SYNJ2: variants seen among roughly 807,000 people sequenced by gnomAD.
The protein encoded by SYNJ2 is synaptojanin 2.
Under a neutral mutation model 141.3 loss-of-function variants are expected in SYNJ2, and 116 were observed. The ratio of observed to expected loss-of-function variants is 0.82; its 90% CI spans 0.71 to 0.96. The LOEUF is 0.96. SYNJ2 is among the 40% of genes least tolerant of loss of function. The pLI, the probability that SYNJ2 is intolerant of heterozygous loss-of-function variation, is 0.00. For synonymous variants in SYNJ2, 745 were observed against 777.7 expected (o/e 0.96, Z 0.70); for missense variants, 1,873 against 1,934.8 (o/e 0.97, Z 0.60).
In SYNJ2 at chr6:158,061,997, G is replaced by A. The variant is rs201184340; in HGVS notation, c.960G>A (p.Leu320=). The change falls in exon 8 of 27, where the codon CTG becomes CTA. Residue 320 remains leucine (L), a synonymous_variant. Transcript: ENST00000355585. ...CCCTCCCCTCCTCTTTTCAGAAGCT[G>A]CTCTGGGCTTCTTGCCACGCGGGCG... is the stretch of plus-strand genomic sequence containing the variant. ...EEVLNRAFKK[L]LWASCHAGDT... 39 of 1,613,744 alleles carry A rather than the reference G, an allele frequency of 2.4e-5. No homozygotes were observed. In the East Asian group the frequency reaches 4.9e-4, roughly 20 times the overall value.
intron 5 of SYNJ2, among the ~76,000 whole-genome samples, chr6:158,045,966 G>A (rs558530263): frequency 5.9e-5 from 9 of 152,076 alleles, no homozygotes; most frequent in Admixed American, 2.0e-4. Flanking sequence ...TTTTTGAGAC[G>A]AAGTCTTGCT....
intron 8 of SYNJ2, among the ~76,000 whole-genome samples, chr6:158,062,590 C>T (rs1267737478): frequency 3.9e-5 from 6 of 152,052 alleles, no homozygotes; most frequent in Non-Finnish European, 8.8e-5. Context: ...CTAGAGGAGA[C>T]CAGGGTATGG....
Position 158,063,875 on chromosome 6 carries a change from G to A in SYNJ2, c.1209+3G>A. The A allele has an allele frequency of 6.2e-7, 1 of 1,613,286 alleles. No individual in the cohort carries two copies. The highest frequency in any genetic ancestry group is 1.1e-5 in the South Asian group (1 of 91,060). ...TGCAGAGCTTCATCGCGCTCGAGGT[G>A]CGTCCCTGCCACAGCCTTTTCGGCC... On this transcript the variant is annotated splice_donor_region_variant and intron_variant, in intron 9 of 26. Transcript: ENST00000355585.
intron 2 of SYNJ2, among the ~76,000 whole-genome samples, chr6:158,019,529 G>A (rs1410483202): frequency 6.6e-6 from 1 of 152,168 alleles, no homozygotes; most frequent in Non-Finnish European, 1.5e-5. Flanking sequence ...GGGTCAGCAG[G>A]GTCTAATGGG....
At position 158,070,623 on chromosome 6, in the gene SYNJ2, CT is replaced by C; in HGVS notation, c.1940+953del. The C allele has an allele frequency of 1.9e-6, 1 of 537,144 alleles. No individual in the cohort carries two copies. The highest frequency in any genetic ancestry group is 2.4e-6 in the Non-Finnish European group (1 of 420,800). 33.3% of individuals were successfully genotyped at this position (537,144 alleles called of 1,614,324 possible). On this transcript the variant is annotated intron_variant, in intron 14 of 26. Coordinates refer to ENST00000355585, the MANE Select transcript of SYNJ2 (RefSeq NM_003898.4). This position sits in a 1 kb window ranked among gnomAD's most constrained non-coding sequence, Gnocchi z 4.0. ...GCTCGGTGTCCTCGGCTTCACGTGC[CT>C]TTAGCCCTGAGCTGCTTCCGCCTAC...
intron 5 of SYNJ2, among the ~76,000 whole-genome samples, chr6:158,049,478 A>G (rs1009691187): frequency 6.6e-6 from 1 of 152,214 alleles, no homozygotes; most frequent in Non-Finnish European, 1.5e-5. Context: ...AGCTCCGGAG[A>G]GAACATGAGG....
At chr6:157,987,665 G>T (rs1014750411) in intron 1 of SYNJ2, among the ~76,000 whole-genome samples, 7 of 152,204 alleles carry the variant, frequency 4.6e-5, no homozygotes, top group Non-Finnish European at 7.3e-5. Flanking sequence ...GCCTCCCAAA[G>T]TTCTGGGATT....
At position 158,011,218 on chromosome 6, in the gene SYNJ2, G is replaced by A. The variant is rs568433180; in HGVS notation, c.128-5986G>A. Reference sequence around the variant, plus strand: ...GTGAGGAAGTCATAAGCCAAGGAACGCCAAGGACAGAACAAGCAGCAAACA... The same window carrying A: ...GTGAGGAAGTCATAAGCCAAGGAACACCAAGGACAGAACAAGCAGCAAACA... On this transcript the variant is annotated intron_variant, in intron 1 of 26. Coordinates refer to ENST00000355585, the MANE Select transcript of SYNJ2 (RefSeq NM_003898.4). Among the ~76,000 whole-genome samples, 7 of 152,256 alleles carry A rather than the reference G, an allele frequency of 4.6e-5. No homozygotes were observed. In the South Asian group the frequency reaches 8.3e-4, roughly 18 times the overall value.
At position 158,096,415 on chromosome 6, in the gene SYNJ2, C is replaced by T. The variant is rs768107346; in HGVS notation, c.*51C>T. On this transcript the variant is annotated 3_prime_UTR_variant, in exon 27 of 27. Transcript: ENST00000355585. Reference sequence around the variant, plus strand: ...CTATAGAATGCATACCTTCCTCCCTCTAGACATCCCTCCACCAGAAGAGAC... The same window carrying T: ...CTATAGAATGCATACCTTCCTCCCTTTAGACATCCCTCCACCAGAAGAGAC... 1 of 1,515,650 alleles carries T rather than the reference C, an allele frequency of 6.6e-7. No individual in the cohort carries two copies. The highest frequency in any genetic ancestry group is 8.8e-7 in the Non-Finnish European group (1 of 1,138,604). The allele number at this position is 1,515,650 out of a possible 1,614,324, so 93.9% of individuals were successfully genotyped here.
intron 5 of SYNJ2, among the ~76,000 whole-genome samples, chr6:158,048,791 A>T (rs1020497392): frequency 6.6e-5 from 10 of 152,102 alleles, no homozygotes; most frequent in Admixed American, 5.2e-4. Flanking sequence ...CATCGTGGCC[A>T]CTTTCAACCT....
At chr6:158,048,930 G>C (rs1780404578) in intron 5 of SYNJ2, among the ~76,000 whole-genome samples, 1 of 152,168 alleles carries the variant, frequency 6.6e-6, no homozygotes, top group South Asian at 2.1e-4. Flanking sequence ...GACACAATTA[G>C]ACAGAAGTCT....
chr6:158,091,251 G>A (rs1045473437), intron 25 of SYNJ2, among the ~76,000 whole-genome samples: 2 of 151,986 alleles, frequency 1.3e-5, no homozygotes, highest in Non-Finnish European at 2.9e-5. Flanking sequence ...GGGAGGTGGA[G>A]CTCGCAGTGA....
intron 1 of SYNJ2, among the ~76,000 whole-genome samples, chr6:158,012,811 C>G (rs992351747): frequency 6.6e-6 from 1 of 152,152 alleles, no homozygotes; most frequent in Non-Finnish European, 1.5e-5. Context: ...ATCCCAGGCA[C>G]TTCATATTCT....
intron 1 of SYNJ2, among the ~76,000 whole-genome samples, chr6:158,015,138 A>T (rs1256111675): frequency 6.6e-6 from 1 of 152,182 alleles, no homozygotes; most frequent in East Asian, 1.9e-4. Context: ...ATCTTTAGAG[A>T]CAGCAGGAAG....
chr6:158,026,672 G>T (rs1055829793), intron 2 of SYNJ2, among the ~76,000 whole-genome samples: 1 of 152,204 alleles, frequency 6.6e-6, no homozygotes, highest in Admixed American at 6.5e-5. Flanking sequence ...CCCCCCACAC[G>T]GAGGCTGTTG....
chr6:158,020,769 C>G (rs918645254), intron 2 of SYNJ2, among the ~76,000 whole-genome samples: 3 of 152,250 alleles, frequency 2.0e-5, no homozygotes, highest in African/African-American at 7.2e-5. Context: ...GCCTCCCTTT[C>G]AATGTTTTTA....
intron 1 of SYNJ2, among the ~76,000 whole-genome samples, chr6:158,006,230 T>C (rs1373049684): frequency 6.6e-6 from 1 of 152,130 alleles, no homozygotes; most frequent in Non-Finnish European, 1.5e-5. Flanking sequence ...CACACACGTA[T>C]GCACACACGC....
intron 12 of SYNJ2, 84 bp from the exon 13 acceptor site, chr6:158,068,563 G>A: frequency 2.0e-6 from 3 of 1,487,432 alleles, no homozygotes; most frequent in Non-Finnish European, 2.8e-6. Context: ...GCATGACTCG[G>A]GAGAGGGCAC....
chr6:157,997,710 G>T (rs1777688377), intron 1 of SYNJ2, among the ~76,000 whole-genome samples: 1 of 152,152 alleles, frequency 6.6e-6, no homozygotes, highest in Non-Finnish European at 1.5e-5. Flanking sequence ...CCTTAACACT[G>T]CCTCGTGTGG....
Sources: allele counts gnomAD v4.1 joint callset (sites outside exome capture counted in the v4.1 genomes callset), GRCh38; gene constraint gnomAD v4.1.1; non-coding constraint Gnocchi (gnomAD v3.1); transcripts MANE v1.5; gene names NCBI Gene and HGNC (gene_info 2026-07-23, HGNC 2026-07-21).